PNKP: variants seen among roughly 807,000 people sequenced by gnomAD.
PNKP encodes the protein bifunctional polynucleotide phosphatase/kinase.
Under a neutral mutation model 66.2 loss-of-function variants are expected in PNKP, and 82 were observed. The observed-to-expected ratio is 1.24, with a 90% CI of 1.04 to 1.49. The LOEUF (loss-of-function observed/expected upper bound fraction) is 1.49. Ranked by LOEUF, PNKP falls within the 40% of genes most tolerant of loss-of-function variation. The pLI is 0.00. For missense variants in PNKP, 907 were observed against 706.8 expected, an observed-to-expected ratio of 1.28 and a Z score of -3.21; for synonymous variants, 412 against 298.9, an observed-to-expected ratio of 1.38 and a Z score of -3.90.
At position 49,862,094 on chromosome 19, in the gene PNKP, T is replaced by C. The variant is rs755670029; in HGVS notation, c.1138A>G (p.Thr380Ala). The C allele has an allele frequency of 6.2e-7, 1 of 1,613,986 alleles. No homozygotes were observed. The highest frequency in any genetic ancestry group is 8.5e-7 in the Non-Finnish European group (1 of 1,179,956). Residue 380 changes from threonine (T) to alanine (A), a missense_variant, in exon 13 of 17, where the codon ACC becomes GCC. Coordinates refer to ENST00000322344, the MANE Select transcript of PNKP (RefSeq NM_007254.4). The part of the protein sequence containing the change: ...AVGFPGAGKS[T>A]FLKKHLVSAG... ...GACACGAGGTGCTTCTTGAGAAAGG[T>C]GGACTTCCCGGCTGTGTGGGGGGCA...
chr19:49,862,285 C>T lies in PNKP; in HGVS notation c.1030-4G>A, dbSNP rs1275689663. 1 of 1,584,964 alleles carries T rather than the reference C, an allele frequency of 6.3e-7. No homozygotes were observed. Among genetic ancestry groups the T allele is most frequent in the Admixed American group, 1.8e-5 (1 of 54,854 alleles). On this transcript the variant is annotated splice_polypyrimidine_tract_variant and splice_region_variant and intron_variant, in intron 11 of 16. Coordinates refer to ENST00000322344, the MANE Select transcript of PNKP (RefSeq NM_007254.4). ...GCCCTGAGCGGGAGACAGTCCTCTG[C>T]GAGGGGCGGGGGACACGCGTGAGAT...
At chr19:49,864,455 C>T (rs997841657) in intron 4 of PNKP, 52 bp from the exon 5 acceptor site, 2 of 1,387,110 alleles carry the variant, frequency 1.4e-6, no homozygotes, top group Non-Finnish European at 2.1e-6. Context: ...CTCTGACCCT[C>T]CTCACTCACA....
chr19:49,867,451 G>A lies in PNKP; in HGVS notation c.-14+18C>T. 1.7e-6 allele frequency: 1 copy of A among 572,162 alleles called. No individual in the cohort carries two copies. The highest frequency in any genetic ancestry group is 2.9e-5 in the East Asian group (1 of 33,928). 35.4% of individuals were successfully genotyped at this position (572,162 alleles called of 1,614,324 possible). On this transcript the variant is annotated intron_variant, in intron 1 of 16. Transcript: ENST00000322344. ...GGCAGAGAGCCTCGCACATGCCTCC[G>A]CCCCGCCCCGTACTCACCCGGGACC...
intron 2 of PNKP, 119 bp from the exon 3 acceptor site, chr19:49,866,564 T>C (rs2074822359): frequency 2.1e-6 from 2 of 941,750 alleles, no homozygotes; most frequent in Non-Finnish European, 3.5e-6. Context: ...AGTTTATTTC[T>C]ACATGGGATT....
intron 1 of PNKP, 30 bp downstream of exon 1, chr19:49,867,439 G>A: frequency 1.7e-6 from 1 of 588,882 alleles, no homozygotes; most frequent in Non-Finnish European, 3.0e-6. Flanking sequence ...AGAGAGCCTC[G>A]CACATGCCTC....
chr19:49,865,284 G>T lies in PNKP; in HGVS notation c.341C>A (p.Ser114Tyr). The change falls in exon 4 of 17, where the codon TCC (serine) becomes TAC (tyrosine). Residue 114 changes from serine to tyrosine, a missense_variant. Coordinates refer to ENST00000322344, the MANE Select transcript of PNKP (RefSeq NM_007254.4). ...LRWEETRTPESQPDTPPGTPL... is the reference protein window; with the variant it reads ...LRWEETRTPEYQPDTPPGTPL... ...GGTGCCAGGCGGAGTATCTGGCTGG[G>T]ATTCTGGTGTGCGGGTCTCTTCCCA... 1 of 1,614,236 alleles carries T rather than the reference G, an allele frequency of 6.2e-7. No homozygotes were observed. The highest frequency in any genetic ancestry group is 1.1e-5 in the South Asian group (1 of 91,086).
At position 49,862,069 on chromosome 19, in the gene PNKP, G is replaced by A. The variant is rs146311500; in HGVS notation, c.1163C>T (p.Ser388Leu). The A allele has an allele frequency of 2.6e-5, 42 of 1,614,010 alleles. No homozygotes were observed. The highest frequency in any genetic ancestry group is 1.4e-4 in the South Asian group (13 of 91,062). ...CCTGTTCACGTGGACATATCCGGCC[G>A]ACACGAGGTGCTTCTTGAGAAAGGT... ...KSTFLKKHLV[S>L]AGYVHVNRDT... Residue 388 changes from serine (S) to leucine (L), a missense_variant, in exon 13 of 17, where the codon TCG becomes TTG. Coordinates refer to ENST00000322344, the MANE Select transcript of PNKP (RefSeq NM_007254.4).
chr19:49,865,025 C>A lies in PNKP; in HGVS notation c.498+102G>T. 6.6e-6 allele frequency: 6 copies of A among 903,796 alleles called. No individual in the cohort carries two copies. The South Asian group carries it at 7.4e-5, about 11-fold the overall frequency. 56.0% of individuals were successfully genotyped at this position (903,796 alleles called of 1,614,324 possible). On this transcript the variant is annotated intron_variant, in intron 4 of 16. Coordinates refer to ENST00000322344, the MANE Select transcript of PNKP (RefSeq NM_007254.4). ...CCTGCATTTATCATTAGGCCCATTT[C>A]TCAGAAAAGTAAGTAGAGGCTAAAA... is the stretch of plus-strand genomic sequence containing the variant.
In PNKP at chr19:49,862,355, C is replaced by T. The variant is rs982882766; in HGVS notation, c.1029+16G>A. On this transcript the variant is annotated intron_variant, in intron 11 of 16. Transcript: ENST00000322344. ...GCCCTCCCATCCCCACCCCCACCCC[C>T]GCCCCAGGGCCTCACCGGATCAAAG... 7 of 1,540,394 alleles carry T rather than the reference C, an allele frequency of 4.5e-6. No homozygotes were observed. In the Admixed American group the frequency reaches 5.9e-5, roughly 13 times the overall value.
Position 49,861,631 on chromosome 19 carries a change from CCA to C in PNKP, c.1361_1362del (p.Leu454ArgfsTer39). 4 of 1,554,944 alleles carry C rather than the reference CCA, an allele frequency of 2.6e-6. No individual in the cohort carries two copies. Among genetic ancestry groups the C allele is most frequent in the Non-Finnish European group, 3.5e-6 (4 of 1,149,694 alleles). ...PCRCFLFTAT[L>X]EQARHNNRFR... is the part of the protein sequence containing the mutation. ...ACCCGGTTGTTGTGGCGCGCCTGCT[CCA>C]GAGTGGCGGTGAAGAGGAAGCAGCG... On this transcript the variant is annotated frameshift_variant, in exon 15 of 17. Coordinates refer to ENST00000322344, the MANE Select transcript of PNKP (RefSeq NM_007254.4). LOFTEE classifies it high-confidence loss of function.
intron 8 of PNKP, 192 bp from the exon 9 acceptor site, chr19:49,862,930 C>T: frequency 1.4e-6 from 1 of 689,864 alleles, no homozygotes; most frequent in Admixed American, 2.0e-5. Context: ...TCCACACAGC[C>T]CCCTCCCTCC....
chr19:49,862,340 C>CAA, intron 11 of PNKP, 31 bp downstream of exon 11: 1 of 652,662 alleles, frequency 1.5e-6, no homozygotes, highest in Non-Finnish European at 2.7e-6. Context: ...GCCCTCCCAT[C>CAA]CCCACCCCCA....
In PNKP at chr19:49,862,254, AGAGAGGCCCTGAGC is replaced by A. The variant is rs749749864; in HGVS notation, c.1043_1056del (p.Arg348LeufsTer58). The A allele has an allele frequency of 6.2e-7, 1 of 1,608,360 alleles. No individual in the cohort carries two copies. Among genetic ancestry groups the A allele is most frequent in the Non-Finnish European group, 8.5e-7 (1 of 1,177,580 alleles). On this transcript the variant is annotated frameshift_variant, in exon 12 of 17. Coordinates refer to ENST00000322344, the MANE Select transcript of PNKP (RefSeq NM_007254.4). LOFTEE classifies it high-confidence loss of function. The stretch of plus-strand genomic sequence containing the variant: ...AGGAGGGCCCTGGACTCGGGGAGGC[AGAGAGGCCCTGAGC>A]GGGAGACAGTCCTCTGCGAGGGGCG...
At chr19:49,866,295 C>A in intron 3 of PNKP, 104 bp downstream of exon 3, 1 of 1,097,554 alleles carries the variant, frequency 9.1e-7, no homozygotes, top group South Asian at 1.2e-5. Flanking sequence ...CCACCACGCC[C>A]GGCCCCAATC....
intron 14 of PNKP, 28 bp downstream of exon 14, chr19:49,861,744 G>A: frequency 6.4e-7 from 1 of 1,555,746 alleles, no homozygotes; most frequent in Non-Finnish European, 8.7e-7. Flanking sequence ...CCCGCCGCAG[G>A]CCACCTACGG....
chr19:49,861,511 C>A lies in PNKP; in HGVS notation c.1387-1G>T. The A allele has an allele frequency of 1.3e-6, 2 of 1,495,156 alleles. No homozygotes were observed. Among genetic ancestry groups the A allele is most frequent in the Non-Finnish European group, 1.8e-6 (2 of 1,107,790 alleles). The allele number at this position is 1,495,156 out of a possible 1,614,324, so 92.6% of individuals were successfully genotyped here. On this transcript the variant is annotated splice_acceptor_variant, in intron 15 of 16. Coordinates refer to ENST00000322344, the MANE Select transcript of PNKP (RefSeq NM_007254.4). LOFTEE classifies it high-confidence loss of function. ...GAGAGGAGTCCGTCATCTCTCGAAA[C>A]TGTGGGGAACATCAGAGGGGCGGCA... is the stretch of plus-strand genomic sequence containing the variant.
At chr19:49,863,596 G>A (rs371360612) in intron 8 of PNKP, 93 bp downstream of exon 8, 5 of 863,376 alleles carry the variant, frequency 5.8e-6, no homozygotes, top group East Asian at 2.7e-5. Context: ...GAGGACAGAG[G>A]AGTAAGGAGG....
At chr19:49,862,009 A>T (rs759892733) in intron 13 of PNKP, 35 bp downstream of exon 13, 4 of 1,612,182 alleles carry the variant, frequency 2.5e-6, no homozygotes, top group African/African-American at 1.3e-5. Flanking sequence ...TGGGAACTTT[A>T]TAATAGATTT....
At chr19:49,864,447 C>T (rs71353341) in intron 4 of PNKP, 44 bp from the exon 5 acceptor site, 1 of 1,436,780 alleles carries the variant, frequency 7.0e-7, no homozygotes, top group South Asian at 1.1e-5. Context: ...TGTGATACCT[C>T]TGACCCTCCT....
Sources: gnomAD v4.1 joint callset for allele counts on GRCh38, gnomAD v4.1.1 for gene constraint, MANE v1.5 for transcripts, NCBI Gene and HGNC (gene_info 2026-07-23, HGNC 2026-07-21) for gene names.